KAT14: variants seen among roughly 807,000 people sequenced by gnomAD.
The protein encoded by KAT14 is cysteine-rich protein 2-binding protein.
In KAT14, 66 loss-of-function variants were observed where a neutral mutation model predicts 78.4. The ratio of observed to expected loss-of-function variants is 0.84; its 90% CI spans 0.69 to 1.03. The LOEUF is 1.03. Ranked by LOEUF, KAT14 falls within the 50% of genes least tolerant of loss-of-function variation. The probability of loss-of-function intolerance (pLI) is 0.00; values close to 1 mark genes in which losing one functional copy is unlikely to be tolerated. For synonymous variants in KAT14, 344 were observed against 359.4 expected, an observed-to-expected ratio of 0.96 and a Z score of 0.48; for missense variants, 870 against 972.5, an observed-to-expected ratio of 0.89 and a Z score of 1.40.
chr20:18,138,234 G>T, intron 1 of KAT14, 183 bp downstream of exon 1: 1 of 1,248,230 alleles, frequency 8.0e-7, no homozygotes, highest in South Asian at 3.1e-5. Context: ...TCCGGGCGCT[G>T]CAGCTCCCGG....
chr20:18,184,415 A>T (rs140416744), intron 9 of KAT14, among the ~76,000 whole-genome samples, 187 bp from the exon 10 acceptor site: 5 of 151,766 alleles, frequency 3.3e-5, no homozygotes, highest in Admixed American at 3.3e-4. Flanking sequence ...TGTAATTTCA[A>T]TATTTTCTAA....
chr20:18,137,882 G>A lies in KAT14; in HGVS notation c.-623G>A, dbSNP rs1344134120. 78 of 1,390,836 alleles carry A rather than the reference G, an allele frequency of 5.6e-5. No individual in the cohort carries two copies. The highest frequency in any genetic ancestry group is 6.9e-5 in the Non-Finnish European group (74 of 1,068,140). 86.2% of individuals were successfully genotyped at this position (1,390,836 alleles called of 1,614,324 possible). ...GGGGTCGAGCCTGGGCAGTACAGGC[G>A]GCGGTGCGCACTCTGCGGCGGCCTC... On this transcript the variant is annotated 5_prime_UTR_variant, in exon 1 of 11. Coordinates refer to ENST00000688188, the MANE Select transcript of KAT14 (RefSeq NM_001392073.1).
In KAT14 at chr20:18,151,300, G is replaced by A. The variant is rs548267042; in HGVS notation, c.500+358G>A. On this transcript the variant is annotated intron_variant, in intron 4 of 10. Transcript: ENST00000688188. ...CAACCGCCACCTCCCGGGTTCAAGC[G>A]ATTCTCCTGCCTTAGCCTCCTGAGT... Among the ~76,000 whole-genome samples, 13 of 152,154 alleles carry A rather than the reference G, an allele frequency of 8.5e-5. No individual in the cohort carries two copies. The East Asian group carries it at 2.3e-3, about 27-fold the overall frequency.
chr20:18,181,153 T>C (rs59306433), intron 7 of KAT14, among the ~76,000 whole-genome samples: 9,198 of 152,246 alleles, frequency 0.06, 293 homozygotes, highest in Middle Eastern at 0.085. Context: ...TTAAAAAAAA[T>C]TTTTAAATGA....
rs964728211 is a variant in KAT14, at chr20:18,142,428, T to C, written c.-233T>C. ...TGTGTGTTGATGGAGAGTAGCTTAGTAGTATCTTCATCTTTTTTTTTGGTC... is the reference window on the plus strand; with the variant it reads ...TGTGTGTTGATGGAGAGTAGCTTAGCAGTATCTTCATCTTTTTTTTTGGTC... On this transcript the variant is annotated 5_prime_UTR_variant, in exon 2 of 11. Transcript: ENST00000688188. 1 of 1,459,698 alleles carries C rather than the reference T, an allele frequency of 6.9e-7. No homozygotes were observed. Among genetic ancestry groups the C allele is most frequent in the Non-Finnish European group, 9.0e-7 (1 of 1,114,014 alleles). The allele number at this position is 1,459,698 out of a possible 1,614,324, so 90.4% of individuals were successfully genotyped here.
At chr20:18,146,583 C>G (rs1466467462) in intron 3 of KAT14, among the ~76,000 whole-genome samples, 1 of 152,016 alleles carries the variant, frequency 6.6e-6, no homozygotes, top group Non-Finnish European at 1.5e-5. Flanking sequence ...TGCTTGAACC[C>G]AGGAGGCGGA....
At chr20:18,145,488 C>G in intron 3 of KAT14, 137 bp downstream of exon 3, 1 of 1,312,582 alleles carries the variant, frequency 7.6e-7, no homozygotes, top group Non-Finnish European at 1.1e-6. Context: ...AATTAGATAC[C>G]GAATATGTGG....
At chr20:18,160,864 C>T (rs979345681) in intron 5 of KAT14, among the ~76,000 whole-genome samples, 4 of 151,880 alleles carry the variant, frequency 2.6e-5, no homozygotes, top group African/African-American at 4.8e-5. Flanking sequence ...ATCAGGATTG[C>T]CAAATTATCC....
chr20:18,160,033 C>T (rs1429529873), intron 5 of KAT14, among the ~76,000 whole-genome samples: 4 of 152,132 alleles, frequency 2.6e-5, no homozygotes, highest in African/African-American at 9.7e-5. Context: ...CGTGCCTCAG[C>T]CTCCCAAATA....
At position 18,184,643 on chromosome 20, in the gene KAT14, G is replaced by A. The variant is rs1302871440; in HGVS notation, c.2023G>A (p.Val675Ile). 4.3e-6 allele frequency: 7 copies of A among 1,613,662 alleles called. No homozygotes were observed. Among genetic ancestry groups the A allele is most frequent in the Non-Finnish European group, 5.9e-6 (7 of 1,179,938 alleles). The change falls in exon 10 of 11, where the codon GTT (valine) becomes ATT (isoleucine). Residue 675 changes from valine to isoleucine, a missense_variant. By Grantham distance (29) the Val-to-Ile change is conservative. Transcript: ENST00000688188. ...GTGTCTGCAGTACCCAGACTTCAGT[G>A]TTGTTGTTCTTTATAAAAAAGTCAT... ...SECLQYPDFS[V>I]VVLYKKVIIA... is the part of the protein sequence containing the mutation.
chr20:18,153,274 G>A (rs544368636), intron 4 of KAT14, among the ~76,000 whole-genome samples: 3 of 152,176 alleles, frequency 2.0e-5, no homozygotes, highest in Non-Finnish European at 4.4e-5. Context: ...AAATGGAATA[G>A]ACTCCCTACA....
At chr20:18,158,969 C>A in intron 4 of KAT14, 115 bp from the exon 5 acceptor site, 1 of 1,283,084 alleles carries the variant, frequency 7.8e-7, no homozygotes, top group Non-Finnish European at 1.0e-6. Context: ...TCTGCTCCTT[C>A]AGTAGCTGGA....
rs1246756092 is a variant in KAT14 at position 18,142,197 on chromosome 20, T to TA, written c.-453-10dup. 5.1e-5 allele frequency: 79 copies of TA among 1,535,746 alleles called. No homozygotes were observed. Among genetic ancestry groups the TA allele is most frequent in the Non-Finnish European group, 6.7e-5 (77 of 1,146,026 alleles). On this transcript the variant is annotated splice_polypyrimidine_tract_variant and intron_variant, in intron 1 of 10. Transcript: ENST00000688188. ...CGGGATGTTACTGAAATCTGTTTCT[T>TA]ACGTTTTTAGAGGCTTCGTGACGGA...
chr20:18,182,126 A>ATT (rs369646928), intron 8 of KAT14, among the ~76,000 whole-genome samples: 19 of 149,314 alleles, frequency 1.3e-4, no homozygotes, highest in Admixed American at 4.7e-4. Context: ...ATTTATTATT[A>ATT]TTATTTTTTT....
chr20:18,168,779 G>C (rs1370535624), intron 7 of KAT14, among the ~76,000 whole-genome samples: 1 of 152,014 alleles, frequency 6.6e-6, no homozygotes, highest in Admixed American at 6.6e-5. Flanking sequence ...TTGGTCAGAG[G>C]TATTTTATAT....
intron 3 of KAT14, among the ~76,000 whole-genome samples, chr20:18,147,587 A>G (rs1343744573): frequency 6.6e-6 from 1 of 152,066 alleles, no homozygotes; most frequent in African/African-American, 2.4e-5. Context: ...TTTAAAAAAA[A>G]ATTTTAAATC....
intron 7 of KAT14, among the ~76,000 whole-genome samples, chr20:18,167,799 A>T (rs1200774053): frequency 6.6e-6 from 1 of 152,192 alleles, no homozygotes; most frequent in Non-Finnish European, 1.5e-5. Flanking sequence ...AAAGAAAGTT[A>T]TACATTCTAT....
intron 7 of KAT14, among the ~76,000 whole-genome samples, chr20:18,179,735 G>C (rs544454523): frequency 2.0e-5 from 3 of 152,272 alleles, no homozygotes; most frequent in Admixed American, 2.0e-4. Flanking sequence ...GTAAATTTCT[G>C]CAGCCAGCTT....
chr20:18,179,299 ACTGCCCCAGTAGGGACTCTGTGTGGGGG>A (rs1403937334), intron 7 of KAT14, among the ~76,000 whole-genome samples: 7 of 152,170 alleles, frequency 4.6e-5, no homozygotes, highest in Non-Finnish European at 7.3e-5. Context: ...ACAGCTAGGC[ACTGCCCCAGTAGGGACTCTGTGTGGGGG>A]CTCTGACCCC....
Sources: allele counts gnomAD v4.1 joint callset (sites outside exome capture counted in the v4.1 genomes callset), GRCh38; gene constraint gnomAD v4.1.1; transcripts MANE v1.5; gene names NCBI Gene and HGNC (gene_info 2026-07-23, HGNC 2026-07-21).